EVL: variants seen among roughly 807,000 people sequenced by gnomAD.
The protein encoded by EVL is ena/VASP-like protein.
Under a neutral mutation model 59.6 loss-of-function variants are expected in EVL, and 21 were observed. The observed-to-expected ratio is 0.35, with a 90% CI of 0.25 to 0.51. The LOEUF (loss-of-function observed/expected upper bound fraction) is 0.51, where lower values mean the gene tolerates loss of function less well. Ranked by LOEUF, EVL falls within the 20% of genes least tolerant of loss-of-function variation. The pLI is 0.97. For synonymous variants in EVL, 198 were observed against 203.5 expected (o/e 0.97, Z 0.23); for missense variants, 462 against 546.6 (o/e 0.85, Z 1.54).
rs1318233445 is a variant in EVL at position 100,005,875 on chromosome 14, G to A, written c.5+33818G>A. 5.3e-5 allele frequency among the ~76,000 whole-genome samples: 8 copies of A among 152,112 alleles called. 1 individual carries two copies. The highest frequency in any genetic ancestry group is 1.5e-5 in the Non-Finnish European group (1 of 68,028). On this transcript the variant is annotated intron_variant, in intron 1 of 13. Transcript: ENST00000402714. ...AAAAGAAGGCAGAACCCTTAGCTATGGAACTGCAGCATGGGGCGACAGCCA... is the reference window on the plus strand; with the variant it reads ...AAAAGAAGGCAGAACCCTTAGCTATAGAACTGCAGCATGGGGCGACAGCCA...
chr14:100,135,722 C>G, intron 8 of EVL, 183 bp from the exon 9 acceptor site: 3 of 580,564 alleles, frequency 5.2e-6, no homozygotes, highest in Non-Finnish European at 9.2e-6. Context: ...TCCACTGGCT[C>G]GATTCTCTCC....
rs917538217 is a variant in EVL, at chr14:99,999,138, T to C, written c.5+27081T>C. ...AGTGAAGGGCTATATTTCTAGTGAC[T>C]GGTACTCTGTTGTGTCTACCATACA... On this transcript the variant is annotated intron_variant, in intron 1 of 13. Transcript: ENST00000402714. Among the ~76,000 whole-genome samples, 9 of 152,326 alleles carry C rather than the reference T, an allele frequency of 5.9e-5. No homozygotes were observed. In the South Asian group the frequency reaches 1.9e-3, roughly 32 times the overall value.
chr14:100,026,081 C>T (rs1303694437), intron 1 of EVL, among the ~76,000 whole-genome samples: 2 of 151,714 alleles, frequency 1.3e-5, no homozygotes, highest in Non-Finnish European at 2.9e-5. Context: ...CGAAACCCCA[C>T]GTCTACAAAA....
chr14:100,002,198 G>A lies in EVL; in HGVS notation c.5+30141G>A, dbSNP rs577913711. On this transcript the variant is annotated intron_variant, in intron 1 of 13. Transcript: ENST00000402714. ...TCTGCTTGATATCCATGAACATTTC[G>A]CTCTCCATGAGTCCTGAAAGTTTTT... 5.9e-4 allele frequency among the ~76,000 whole-genome samples: 89 copies of A among 152,110 alleles called. 1 individual carries two copies. Among genetic ancestry groups the A allele is most frequent in the African/African-American group, 2.1e-3 (86 of 41,504 alleles).
chr14:99,984,451 TTTTC>T (rs1300362114), intron 1 of EVL, among the ~76,000 whole-genome samples: 4 of 152,198 alleles, frequency 2.6e-5, no homozygotes, highest in South Asian at 2.1e-4. Context: ...GAATGAATGC[TTTTC>T]TTTCTTTTTT....
At chr14:100,107,409 T>C in intron 3 of EVL, 1 of 397,976 alleles carries the variant, frequency 2.5e-6, no homozygotes, top group Non-Finnish European at 4.4e-6. Flanking sequence ...GGAAGGAGGC[T>C]TGGGTGTCAT....
At chr14:100,016,782 T>C (rs1469611119) in intron 1 of EVL, among the ~76,000 whole-genome samples, 1 of 152,200 alleles carries the variant, frequency 6.6e-6, no homozygotes. Flanking sequence ...TGGTTCCCAT[T>C]TGGACCCCAA....
chr14:99,982,656 G>C (rs771588401), intron 1 of EVL, among the ~76,000 whole-genome samples: 5 of 152,166 alleles, frequency 3.3e-5, no homozygotes, highest in Non-Finnish European at 5.9e-5. Flanking sequence ...CCTGTTCCCA[G>C]TTCCTCTGTG....
At chr14:100,018,623 G>A (rs966864953) in intron 1 of EVL, among the ~76,000 whole-genome samples, 1 of 152,198 alleles carries the variant, frequency 6.6e-6, no homozygotes, top group Admixed American at 6.5e-5. Context: ...GCGTGAGCGG[G>A]TGAGGGGAAA....
rs1411677826 is a variant in EVL at position 99,986,283 on chromosome 14, T to A, written c.5+14226T>A. 8.3e-5 allele frequency among the ~76,000 whole-genome samples: 10 copies of A among 120,580 alleles called. No individual in the cohort carries two copies. The Admixed American group carries it at 8.6e-4, about 10-fold the overall frequency. The allele number at this position is 120,580 out of a possible 152,430, so 79.1% of individuals were successfully genotyped here. A position where few individuals can be genotyped will look rare whatever the true frequency, so the allele number is the denominator to read the frequency against. Reference sequence around the variant, plus strand: ...CTCCAGCCTGGGTGACAGAGTGGACTCTGTCTCAAAAAAAAAAAAAAAAAA... The same window carrying A: ...CTCCAGCCTGGGTGACAGAGTGGACACTGTCTCAAAAAAAAAAAAAAAAAA... On this transcript the variant is annotated intron_variant, in intron 1 of 13. Transcript: ENST00000402714.
chr14:100,005,630 TACACACACACACACACACACACAC>T (rs35844160), intron 1 of EVL, among the ~76,000 whole-genome samples: 9 of 143,750 alleles, frequency 6.3e-5, no homozygotes, highest in African/African-American at 1.0e-4. Flanking sequence ...GCCTTTTAAA[TACACACACACACACACACACACAC>T]ACACACACAC....
At chr14:100,083,913 G>C (rs1032312330) in intron 1 of EVL, among the ~76,000 whole-genome samples, 1 of 152,110 alleles carries the variant, frequency 6.6e-6, no homozygotes, top group Non-Finnish European at 1.5e-5. Flanking sequence ...CACTGAATAC[G>C]TGTATGAACT....
Position 100,138,027 on chromosome 14 carries a change from GTC to G in EVL, c.1094+226_1094+227del, listed in dbSNP as rs1308466416. 5.0e-6 allele frequency: 3 copies of G among 596,276 alleles called. No individual in the cohort carries two copies. The East Asian group carries it at 8.4e-5, about 17-fold the overall frequency. The allele number at this position is 596,276 out of a possible 1,614,324, so 36.9% of individuals were successfully genotyped here. ...CCAAGGGCAAGGAGGGCAGTGACCTGTCCACAGAGGTAGTGCAGGGGGGGGCC... is the reference window on the plus strand; with the variant it reads ...CCAAGGGCAAGGAGGGCAGTGACCTGCACAGAGGTAGTGCAGGGGGGGGCC... On this transcript the variant is annotated intron_variant, in intron 11 of 13. Transcript: ENST00000392920.
intron 1 of EVL, among the ~76,000 whole-genome samples, chr14:99,994,536 TA>T (rs143631090): frequency 0.06 from 9,164 of 152,236 alleles, 482 homozygotes; most frequent in East Asian, 0.28. Flanking sequence ...TCTGTTGCGT[TA>T]AAAACTCTAC....
chr14:100,117,081 G>A (rs1358440961), intron 3 of EVL, among the ~76,000 whole-genome samples: 1 of 151,596 alleles, frequency 6.6e-6, no homozygotes, highest in Non-Finnish European at 1.5e-5. Context: ...TGCCAGGCCA[G>A]CACAGAGAGA....
chr14:100,126,707 A>G lies in EVL; in HGVS notation c.423A>G (p.Arg141=). 1 of 1,614,162 alleles carries G rather than the reference A, an allele frequency of 6.2e-7. No homozygotes were observed. Among genetic ancestry groups the G allele is most frequent in the South Asian group, 1.1e-5 (1 of 91,076 alleles). Residue 141 remains arginine (R), a splice_region_variant and synonymous_variant, in exon 5 of 14, where the codon AGA becomes AGG. Coordinates refer to ENST00000392920, the MANE Select transcript of EVL (RefSeq NM_016337.3). ...CTGCCCTGCTGTGATTACTTTCCAG[A>G]CAAGTGATGGAGCAGCACCAGCAGC... ...PSPDEMDIQR[R]QVMEQHQQQR...
rs560839189 is a variant in EVL, at chr14:99,993,657, TAA to T, written c.5+21601_5+21602del. Among the ~76,000 whole-genome samples the T allele has an allele frequency of 2.6e-3, 393 of 150,498 alleles. 1 individual carries two copies. Among genetic ancestry groups the T allele is most frequent in the African/African-American group, 9.1e-3 (375 of 41,020 alleles). ...ACTGCTTCAATTTCTTTATTAATTA[TAA>T]GTCTTTTCAGATTGTTTCTTTCTTT... On this transcript the variant is annotated intron_variant, in intron 1 of 13. Coordinates refer to the EVL transcript ENST00000402714.
rs991622819 is a variant in EVL, at chr14:100,143,858, G to A, written c.*120G>A. ...CGCACAGGAGCCTGGGCGCGCTGCT[G>A]TGAAACGTCCTGACCTGTGATCACA... On this transcript the variant is annotated 3_prime_UTR_variant, in exon 14 of 14. Coordinates refer to ENST00000392920, the MANE Select transcript of EVL (RefSeq NM_016337.3). The A allele has an allele frequency of 5.7e-6, 7 of 1,235,010 alleles. No individual in the cohort carries two copies. The highest frequency in any genetic ancestry group is 8.0e-6 in the Non-Finnish European group (7 of 877,888). The allele number at this position is 1,235,010 out of a possible 1,614,324, so 76.5% of individuals were successfully genotyped here.
chr14:100,016,641 C>CT (rs1446525356), intron 1 of EVL, among the ~76,000 whole-genome samples: 1 of 152,208 alleles, frequency 6.6e-6, no homozygotes, highest in African/African-American at 2.4e-5. Context: ...ACAGAAGTGC[C>CT]TTTTTGAGCC....
Sources: allele counts gnomAD v4.1 joint callset (sites outside exome capture counted in the v4.1 genomes callset), GRCh38; gene constraint gnomAD v4.1.1; transcripts MANE v1.5; gene names NCBI Gene and HGNC (gene_info 2026-07-23, HGNC 2026-07-21).